The following CACNA2D3 variants were observed in gnomAD, a reference collection of about 807,000 sequenced individuals.
CACNA2D3 encodes voltage-dependent calcium channel subunit alpha-2/delta-3.
A neutral mutation model predicts 160.6 loss-of-function variants in CACNA2D3; 60 were observed. The observed-to-expected ratio is 0.37, with a 90% confidence interval of 0.30 to 0.46. The LOEUF (loss-of-function observed/expected upper bound fraction) is 0.46, where lower values mean the gene tolerates loss of function less well. Among genes scored for constraint, CACNA2D3 ranks in the 20% least tolerant of loss-of-function variants. The probability of loss-of-function intolerance (pLI) is 1.00; values close to 1 mark genes in which losing one functional copy is unlikely to be tolerated. For synonymous variants in CACNA2D3, 558 were observed against 492.9 expected, an observed-to-expected ratio of 1.13 and a Z score of -1.75; for missense variants, 1,205 against 1,365.0, an observed-to-expected ratio of 0.88 and a Z score of 1.85.
intron 2 of CACNA2D3, among the ~76,000 whole-genome samples, chr3:54,170,402 C>A (rs570247933): frequency 8.5e-5 from 13 of 152,160 alleles, no homozygotes; most frequent in African/African-American, 2.9e-4. Context: ...ACTGAGTAAA[C>A]GTCAAAATAT....
chr3:54,837,179 C>T lies in CACNA2D3; in HGVS notation c.1419C>T (p.Pro473=), dbSNP rs373771779. The part of the protein sequence containing the change: ...QAQKLTDDQG[P]VLMTTVAMPV... ...TCCAGCTGACTGATGATCAGGGCCCCGTCCTGATGACCACTGTAGCCATGC... is the reference window on the plus strand; with the variant it reads ...TCCAGCTGACTGATGATCAGGGCCCTGTCCTGATGACCACTGTAGCCATGC... Residue 473 remains proline, a synonymous_variant, in exon 15 of 38, where the codon CCC becomes CCT. Transcript: ENST00000474759. The T allele has an allele frequency of 4.8e-4, 774 of 1,613,742 alleles. 1 individual carries two copies. Among genetic ancestry groups the T allele is most frequent in the Non-Finnish European group, 6.1e-4 (719 of 1,179,804 alleles).
chr3:55,005,191 G>T (rs192606393), intron 32 of CACNA2D3, among the ~76,000 whole-genome samples: 1 of 151,990 alleles, frequency 6.6e-6, no homozygotes, highest in Admixed American at 6.6e-5. Flanking sequence ...CGGGAGAACC[G>T]CTTGAACCTT....
Position 54,873,359 on chromosome 3 carries a change from C to T in CACNA2D3, c.1710+1737C>T, listed in dbSNP as rs1699584511. On this transcript the variant is annotated intron_variant, in intron 18 of 37. Transcript: ENST00000474759. Reference sequence around the variant, plus strand: ...AGGGGACTTTCCATTGTTGCCCTTCCTCTTCCTTCTTCACTTTATCTGTTG... The same window carrying T: ...AGGGGACTTTCCATTGTTGCCCTTCTTCTTCCTTCTTCACTTTATCTGTTG... Among the ~76,000 whole-genome samples the T allele has an allele frequency of 2.0e-5, 3 of 151,780 alleles. 1 individual carries two copies. Among genetic ancestry groups the T allele is most frequent in the Admixed American group, 2.0e-4 (3 of 15,240 alleles).
At chr3:54,822,812 TTTCTTTCTTTCTTTCTTTCTTTTC>T (rs1703661305) in intron 14 of CACNA2D3, among the ~76,000 whole-genome samples, 1 of 121,826 alleles carries the variant, frequency 8.2e-6, no homozygotes, top group African/African-American at 3.9e-5. Flanking sequence ...TCTTTCTTTC[TTTCTTTCTTTCTTTCTTTCTTTTC>T]TTTCTTTCTT....
intron 10 of CACNA2D3, among the ~76,000 whole-genome samples, chr3:54,635,863 T>C (rs1699357773): frequency 6.6e-6 from 1 of 152,054 alleles, no homozygotes; most frequent in South Asian, 2.1e-4. Context: ...TGAGGAATTA[T>C]GTCTGACAGA....
intron 27 of CACNA2D3, among the ~76,000 whole-genome samples, chr3:54,945,317 G>A (rs1701584872): frequency 6.6e-6 from 1 of 152,220 alleles, no homozygotes; most frequent in South Asian, 2.1e-4. Flanking sequence ...AGAATTGCCA[G>A]GGGATCTGGC....
At chr3:54,769,430 C>A (rs1021111945) in intron 13 of CACNA2D3, among the ~76,000 whole-genome samples, 1 of 151,964 alleles carries the variant, frequency 6.6e-6, no homozygotes, top group African/African-American at 2.4e-5. Flanking sequence ...GCATATTTAT[C>A]GTCTACCTTA....
intron 35 of CACNA2D3, among the ~76,000 whole-genome samples, chr3:55,034,163 C>G (rs1403396708): frequency 6.6e-6 from 1 of 151,748 alleles, no homozygotes; most frequent in Admixed American, 6.6e-5. Flanking sequence ...AAACCAAACT[C>G]TTCTTCTACC....
intron 4 of CACNA2D3, among the ~76,000 whole-genome samples, chr3:54,477,493 C>G (rs1237287370): frequency 6.6e-6 from 1 of 152,164 alleles, no homozygotes; most frequent in Non-Finnish European, 1.5e-5. Context: ...CCAGCACCCA[C>G]TCATTGACAC....
intron 2 of CACNA2D3, among the ~76,000 whole-genome samples, chr3:54,149,928 T>TCTCTCTCTCCCTCCCTCC (rs1559863335): frequency 5.6e-5 from 2 of 35,556 alleles, no homozygotes; most frequent in African/African-American, 3.0e-4. Context: ...TCTCTCTCTC[T>TCTCTCTCTCCCTCCCTCC]CTCCCTCCCT....
intron 2 of CACNA2D3, among the ~76,000 whole-genome samples, chr3:54,253,871 A>C (rs1702243373): frequency 6.6e-6 from 1 of 152,010 alleles, no homozygotes; most frequent in African/African-American, 2.4e-5. Context: ...ACGTTCAAGC[A>C]ATTCTCCTGC....
At chr3:54,338,056 A>C (rs949195129) in intron 3 of CACNA2D3, among the ~76,000 whole-genome samples, 51 of 152,362 alleles carry the variant, frequency 3.3e-4, no homozygotes, top group African/African-American at 1.2e-3. Flanking sequence ...AGGACAGACA[A>C]CACCAGTAAA....
chr3:54,456,477 G>T (rs1344704065), intron 4 of CACNA2D3, among the ~76,000 whole-genome samples: 2 of 151,782 alleles, frequency 1.3e-5, no homozygotes, highest in Non-Finnish European at 2.9e-5. Context: ...TCTTTAGGTT[G>T]TTTTTCTATA....
At chr3:54,954,700 C>G (rs11708121) in intron 27 of CACNA2D3, among the ~76,000 whole-genome samples, 2,413 of 152,266 alleles carry the variant, frequency 0.016, 29 homozygotes, top group Non-Finnish European at 0.026. Flanking sequence ...TTCCCCAGGC[C>G]TCAGCTTTTG....
chr3:54,512,047 A>G (rs1302661955), intron 5 of CACNA2D3, among the ~76,000 whole-genome samples: 3 of 152,172 alleles, frequency 2.0e-5, no homozygotes, highest in Non-Finnish European at 4.4e-5. Context: ...TATATATGCC[A>G]CAGGTCCCCC....
chr3:54,162,321 C>T lies in CACNA2D3; in HGVS notation c.204+38727C>T, dbSNP rs911543770. On this transcript the variant is annotated intron_variant, in intron 2 of 37. Transcript: ENST00000474759. ...TCTGCTGGGACCTCATCTGGGATGA[C>T]GAAGACTGAGGATGACTTGATGGCT... Among the ~76,000 whole-genome samples, 16 of 152,178 alleles carry T rather than the reference C, an allele frequency of 1.1e-4. No individual in the cohort carries two copies. In the South Asian group the frequency reaches 2.1e-3, roughly 20 times the overall value.
In CACNA2D3 at chr3:54,212,844, A is replaced by G. The variant is rs369010544; in HGVS notation, c.204+89250A>G. Among the ~76,000 whole-genome samples, 59 of 152,280 alleles carry G rather than the reference A, an allele frequency of 3.9e-4. No homozygotes were observed. The South Asian group carries it at 0.012, about 30-fold the overall frequency. On this transcript the variant is annotated intron_variant, in intron 2 of 37. Coordinates refer to ENST00000474759, the MANE Select transcript of CACNA2D3 (RefSeq NM_018398.3). ...GGTTCAATCTCTGCCTTCAGGCTTC[A>G]GTTTCCTCAAGTGTGAACTGGGGAT...
intron 9 of CACNA2D3, among the ~76,000 whole-genome samples, chr3:54,613,248 T>C (rs529708148): frequency 6.6e-6 from 1 of 152,348 alleles, no homozygotes; most frequent in African/African-American, 2.4e-5. Flanking sequence ...AGGTATATCT[T>C]TGATCTTCCA....
intron 3 of CACNA2D3, among the ~76,000 whole-genome samples, chr3:54,348,424 T>C (rs1283128637): frequency 6.6e-6 from 1 of 152,226 alleles, no homozygotes; most frequent in Non-Finnish European, 1.5e-5. Flanking sequence ...CAAGTCAAAA[T>C]GGGTAATTTT....
Sources: allele counts gnomAD v4.1 joint callset (sites outside exome capture counted in the v4.1 genomes callset), GRCh38; gene constraint gnomAD v4.1.1; transcripts MANE v1.5; gene names NCBI Gene and HGNC (gene_info 2026-07-23, HGNC 2026-07-21).